Variants in PARD3B observed in about 807,000 individuals in gnomAD.
The protein encoded by PARD3B is par-3 family cell polarity regulator beta, also known as partitioning defective 3 homolog B.
In PARD3B, 103 loss-of-function variants were observed where a neutral mutation model predicts 130.2. The observed-to-expected ratio is 0.79, with a 90% CI of 0.67 to 0.93. The LOEUF is 0.93. Ranked by LOEUF, PARD3B falls within the 40% of genes least tolerant of loss-of-function variation. The probability of loss-of-function intolerance (pLI) is 0.00; values close to 1 mark genes in which losing one functional copy is unlikely to be tolerated. For missense variants in PARD3B, 1,609 were observed against 1,499.2 expected (o/e 1.07, Z -1.21); for synonymous variants, 583 against 553.2 (o/e 1.05, Z -0.76).
At chr2:205,254,331 GAAGGTGAGCTCTTACA>G (rs2039980917) in intron 16 of PARD3B, among the ~76,000 whole-genome samples, 1 of 152,034 alleles carries the variant, frequency 6.6e-6, no homozygotes, top group Admixed American at 6.5e-5. Flanking sequence ...TGGAAAATCT[GAAGGTGAGCTCTTACA>G]TAATGGACCT....
intron 2 of PARD3B, among the ~76,000 whole-genome samples, chr2:204,697,949 G>C (rs2037694476): frequency 6.6e-6 from 1 of 152,042 alleles, no homozygotes; most frequent in African/African-American, 2.4e-5. Context: ...TCATCTTGTG[G>C]GAGAAATTTT....
At chr2:205,236,828 A>G (rs1451344758) in intron 15 of PARD3B, among the ~76,000 whole-genome samples, 1 of 152,206 alleles carries the variant, frequency 6.6e-6, no homozygotes, top group Non-Finnish European at 1.5e-5. Flanking sequence ...CAGTCACATC[A>G]GTGGACACAG....
At chr2:205,220,425 AC>A (rs983822184) in intron 15 of PARD3B, among the ~76,000 whole-genome samples, 7 of 152,106 alleles carry the variant, frequency 4.6e-5, no homozygotes, top group African/African-American at 1.4e-4. Flanking sequence ...AATTTCCTAT[AC>A]ATTTCCAGAA....
chr2:205,328,779 TA>T (rs1475277877), intron 18 of PARD3B, among the ~76,000 whole-genome samples: 4 of 152,202 alleles, frequency 2.6e-5, no homozygotes, highest in Non-Finnish European at 5.9e-5. Flanking sequence ...TCCTTATAAT[TA>T]AAAGTTGTAT....
chr2:204,626,460 G>A (rs1395941199), intron 1 of PARD3B, among the ~76,000 whole-genome samples: 1 of 151,818 alleles, frequency 6.6e-6, no homozygotes, highest in Non-Finnish European at 1.5e-5. Context: ...GCTTGATATT[G>A]CTATTTGGAG....
intron 2 of PARD3B, among the ~76,000 whole-genome samples, chr2:204,720,058 A>G (rs952353892): frequency 1.5e-5 from 2 of 137,154 alleles, no homozygotes; most frequent in East Asian, 4.1e-4. Context: ...TGCTGTCTTT[A>G]TGGCATTTTT....
chr2:204,813,924 CT>C (rs1009433891), intron 2 of PARD3B, among the ~76,000 whole-genome samples: 8 of 151,792 alleles, frequency 5.3e-5, no homozygotes, highest in Non-Finnish European at 1.0e-4. Context: ...AACTTTGTTT[CT>C]TTTTTCATAA....
At chr2:205,415,067 G>A (rs933605807) in intron 19 of PARD3B, among the ~76,000 whole-genome samples, 1 of 152,018 alleles carries the variant, frequency 6.6e-6, no homozygotes, top group African/African-American at 2.4e-5. Flanking sequence ...AAATTTTAGA[G>A]AAGTATTTTG....
At chr2:204,964,329 A>G (rs1465406524) in intron 2 of PARD3B, among the ~76,000 whole-genome samples, 2 of 152,226 alleles carry the variant, frequency 1.3e-5, no homozygotes, top group African/African-American at 2.4e-5. Context: ...GTCACTGTCT[A>G]TACAGTAGTG....
intron 2 of PARD3B, among the ~76,000 whole-genome samples, chr2:204,709,281 C>T (rs12694010): frequency 0.79 from 120,900 of 152,094 alleles, 48,386 homozygotes; most frequent in East Asian, 0.89. Context: ...ATAAAACATT[C>T]TCCGCATGAT....
At chr2:204,688,592 A>G (rs565602286) in intron 2 of PARD3B, among the ~76,000 whole-genome samples, 4 of 152,030 alleles carry the variant, frequency 2.6e-5, no homozygotes, top group African/African-American at 9.6e-5. Context: ...AAAAAAAAAA[A>G]AAAAAGGTGA....
intron 16 of PARD3B, among the ~76,000 whole-genome samples, chr2:205,271,932 T>C (rs944921515): frequency 1.1e-4 from 17 of 151,806 alleles, no homozygotes; most frequent in Non-Finnish European, 2.2e-4. Context: ...CCGAGGCGGG[T>C]GGATCACTTG....
chr2:204,627,300 A>G (rs1397196360), intron 1 of PARD3B, among the ~76,000 whole-genome samples: 1 of 152,130 alleles, frequency 6.6e-6, no homozygotes, highest in Non-Finnish European at 1.5e-5. Flanking sequence ...TCCATCTTAT[A>G]TTTTGATTCA....
chr2:204,629,788 A>T (rs547658485), intron 1 of PARD3B, among the ~76,000 whole-genome samples: 28 of 152,302 alleles, frequency 1.8e-4, no homozygotes, highest in South Asian at 1.7e-3. Context: ...TCTGAATTAT[A>T]TTCTATTAAT....
At chr2:205,428,228 T>G (rs1303869419) in intron 19 of PARD3B, among the ~76,000 whole-genome samples, 1 of 151,804 alleles carries the variant, frequency 6.6e-6, no homozygotes, top group Non-Finnish European at 1.5e-5. Context: ...TACAAAAAAT[T>G]ACGAAAATTA....
At chr2:204,776,608 C>G (rs181131888) in intron 2 of PARD3B, among the ~76,000 whole-genome samples, 1 of 151,538 alleles carries the variant, frequency 6.6e-6, no homozygotes, top group Non-Finnish European at 1.5e-5. Flanking sequence ...CTTTTTTCCC[C>G]GAGACATGGC....
chr2:205,302,010 C>A, intron 18 of PARD3B: 1 of 603,568 alleles, frequency 1.7e-6, no homozygotes. Context: ...CCCAAGAGTT[C>A]AAGACCAGCC....
chr2:205,350,194 C>G (rs2043946843), intron 18 of PARD3B, among the ~76,000 whole-genome samples: 1 of 152,136 alleles, frequency 6.6e-6, no homozygotes. Flanking sequence ...GAACATTATT[C>G]TGTGTGTGGA....
intron 1 of PARD3B, among the ~76,000 whole-genome samples, chr2:204,619,205 C>A (rs889112192): frequency 6.6e-6 from 1 of 152,178 alleles, no homozygotes; most frequent in African/African-American, 2.4e-5. Context: ...AGCTTCTGGA[C>A]ATCACTTCAC....
Sources: allele counts gnomAD v4.1 joint callset (sites outside exome capture counted in the v4.1 genomes callset), GRCh38; gene constraint gnomAD v4.1.1; transcripts MANE v1.5; gene names NCBI Gene and HGNC (gene_info 2026-07-23, HGNC 2026-07-21).